NKAIN2: variants seen among roughly 807,000 people sequenced by gnomAD.
NKAIN2 encodes the protein sodium/potassium transporting ATPase interacting 2.
Under a neutral mutation model 32.6 loss-of-function variants are expected in NKAIN2, and 14 were observed. The observed-to-expected ratio is 0.43, with a 90% CI of 0.28 to 0.67. The LOEUF is 0.67. NKAIN2 is among the 30% of genes least tolerant of loss of function. The pLI is 0.17. For synonymous variants in NKAIN2, 80 were observed against 87.2 expected (o/e 0.92, Z 0.46); for missense variants, 198 against 258.3 (o/e 0.77, Z 1.60).
intron 3 of NKAIN2, among the ~76,000 whole-genome samples, chr6:124,393,936 A>G (rs1773249350): frequency 6.6e-6 from 1 of 152,148 alleles, no homozygotes. Flanking sequence ...AAAGAAGTAA[A>G]ATCCATTGAT....
At chr6:124,591,851 C>G (rs1178979852) in intron 3 of NKAIN2, among the ~76,000 whole-genome samples, 1 of 152,002 alleles carries the variant, frequency 6.6e-6, no homozygotes, top group African/African-American at 2.4e-5. Flanking sequence ...GAGACATGAA[C>G]AGGAAGAAAA....
chr6:123,911,151 T>A (rs1374036800), intron 1 of NKAIN2, among the ~76,000 whole-genome samples: 3 of 152,184 alleles, frequency 2.0e-5, no homozygotes, highest in Non-Finnish European at 2.9e-5. Flanking sequence ...ATGTATATAC[T>A]TTTTTAAAAA....
intron 3 of NKAIN2, among the ~76,000 whole-genome samples, chr6:124,424,530 A>C (rs1307353734): frequency 1.3e-5 from 2 of 152,138 alleles, no homozygotes; most frequent in African/African-American, 2.4e-5. Flanking sequence ...ATGAACTTTT[A>C]TACCCTTTAA....
At chr6:123,942,565 T>C (rs1776871209) in intron 1 of NKAIN2, among the ~76,000 whole-genome samples, 1 of 152,024 alleles carries the variant, frequency 6.6e-6, no homozygotes, top group African/African-American at 2.4e-5. Flanking sequence ...CTGCCATGTG[T>C]TAATTTCTTG....
intron 1 of NKAIN2, among the ~76,000 whole-genome samples, chr6:124,139,940 C>T (rs1410697622): frequency 6.6e-6 from 1 of 152,122 alleles, no homozygotes; most frequent in Non-Finnish European, 1.5e-5. Flanking sequence ...GATGCATAAG[C>T]TGACACTTAT....
intron 4 of NKAIN2, among the ~76,000 whole-genome samples, chr6:124,671,804 C>T (rs1024223380): frequency 4.0e-5 from 6 of 151,596 alleles, no homozygotes; most frequent in Non-Finnish European, 7.4e-5. Context: ...TTGATTCTGG[C>T]CTCACAAACC....
chr6:124,283,719 T>G (rs897663591), intron 2 of NKAIN2, among the ~76,000 whole-genome samples: 11 of 152,210 alleles, frequency 7.2e-5, no homozygotes, highest in Non-Finnish European at 1.5e-4. Flanking sequence ...CAACTGTGTT[T>G]CAGTTACTAT....
chr6:123,972,834 T>C (rs1237865826), intron 1 of NKAIN2, among the ~76,000 whole-genome samples: 1 of 152,124 alleles, frequency 6.6e-6, no homozygotes, highest in Non-Finnish European at 1.5e-5. Flanking sequence ...TTTTGGCCAA[T>C]GGTAGATAAA....
chr6:124,231,448 G>C (rs1792457338), intron 1 of NKAIN2, among the ~76,000 whole-genome samples: 1 of 152,148 alleles, frequency 6.6e-6, no homozygotes, highest in African/African-American at 2.4e-5. Flanking sequence ...AGATTTGGGA[G>C]GGACCTGGGG....
chr6:124,740,711 GA>G (rs1777166689), intron 4 of NKAIN2, among the ~76,000 whole-genome samples: 1 of 151,966 alleles, frequency 6.6e-6, no homozygotes, highest in African/African-American at 2.4e-5. Flanking sequence ...GCCGTTCTAA[GA>G]AACTATAAGA....
intron 1 of NKAIN2, among the ~76,000 whole-genome samples, chr6:124,263,437 T>G (rs1425062609): frequency 2.0e-5 from 3 of 152,166 alleles, no homozygotes; most frequent in Admixed American, 6.6e-5. Flanking sequence ...AAATGATAAC[T>G]TTTGCTCATT....
intron 3 of NKAIN2, among the ~76,000 whole-genome samples, chr6:124,499,213 C>T (rs1443229882): frequency 6.6e-6 from 1 of 152,050 alleles, no homozygotes. Flanking sequence ...ACTATATTTC[C>T]AAACTCTTTT....
At chr6:124,228,333 G>T (rs1792230953) in intron 1 of NKAIN2, among the ~76,000 whole-genome samples, 2 of 152,150 alleles carry the variant, frequency 1.3e-5, no homozygotes, top group Non-Finnish European at 2.9e-5. Context: ...ACAACAAGAA[G>T]TCAGCAGTTT....
intron 2 of NKAIN2, among the ~76,000 whole-genome samples, chr6:124,330,480 T>G (rs1166704101): frequency 6.6e-6 from 1 of 152,186 alleles, no homozygotes; most frequent in Non-Finnish European, 1.5e-5. Context: ...ATGTCCAGAA[T>G]TGAGACAAGG....
chr6:124,784,152 A>G (rs1381755055), intron 4 of NKAIN2, among the ~76,000 whole-genome samples: 4 of 152,152 alleles, frequency 2.6e-5, no homozygotes, highest in Non-Finnish European at 4.4e-5. Flanking sequence ...AAAATGTAGT[A>G]TTTTTCAAGT....
rs527397223 is a variant in NKAIN2 at position 124,805,456 on chromosome 6, A to G, written c.536-12931A>G. Among the ~76,000 whole-genome samples the G allele has an allele frequency of 1.0e-3, 155 of 152,284 alleles. 4 individuals carry two copies. In the East Asian group the frequency reaches 0.027, roughly 26 times the overall value. ...CCTGTCTGTTAGAAGGAAAACTAAC[A>G]AACAGAAAGGACATCCACACCAAAA... On this transcript the variant is annotated intron_variant, in intron 5 of 6. Coordinates refer to ENST00000368417, the MANE Select transcript of NKAIN2 (RefSeq NM_001040214.3).
intron 1 of NKAIN2, among the ~76,000 whole-genome samples, chr6:124,184,196 C>T (rs532246398): frequency 3.0e-4 from 45 of 152,186 alleles, no homozygotes; most frequent in Non-Finnish European, 6.2e-4. Flanking sequence ...ATTCTGGTCT[C>T]GAAATGTTTG....
chr6:123,935,747 G>A (rs186865), intron 1 of NKAIN2, among the ~76,000 whole-genome samples: 58,077 of 151,698 alleles, frequency 0.38, 12,073 homozygotes, highest in African/African-American at 0.54. Context: ...ATACAGGATC[G>A]TCATCTAATT....
intron 3 of NKAIN2, among the ~76,000 whole-genome samples, chr6:124,496,943 A>T (rs1229051369): frequency 6.6e-6 from 1 of 152,038 alleles, no homozygotes; most frequent in African/African-American, 2.4e-5. Context: ...ATTGTTGCTA[A>T]AACCTAGTAT....
Sources: allele counts gnomAD v4.1 joint callset (sites outside exome capture counted in the v4.1 genomes callset), GRCh38; gene constraint gnomAD v4.1.1; transcripts MANE v1.5; gene names NCBI Gene and HGNC (gene_info 2026-07-23, HGNC 2026-07-21).